ATG10: variants seen among roughly 807,000 people sequenced by gnomAD.
The protein encoded by ATG10 is autophagy related 10.
Under a neutral mutation model 32.1 loss-of-function variants are expected in ATG10, and 30 were observed. The ratio of observed to expected loss-of-function variants is 0.94; its 90% confidence interval spans 0.70 to 1.27. The LOEUF (loss-of-function observed/expected upper bound fraction) is 1.27, where lower values mean the gene tolerates loss of function less well. ATG10 is among the 50% of genes most tolerant of loss of function. The pLI is 0.00. For synonymous variants in ATG10, 87 were observed against 91.5 expected (o/e 0.95, Z 0.28); for missense variants, 233 against 262.3 (o/e 0.89, Z 0.77).
intron 1 of ATG10, among the ~76,000 whole-genome samples, chr5:81,979,733 TTTAAA>T (rs1330606934): frequency 2.0e-5 from 3 of 151,786 alleles, no homozygotes; most frequent in African/African-American, 4.8e-5. Flanking sequence ...CTTTCTAGTC[TTTAAA>T]TTAAGATATT....
intron 3 of ATG10, chr5:82,078,502 T>C (rs945451890): frequency 5.3e-5 from 8 of 151,888 alleles, no homozygotes; most frequent in Non-Finnish European, 7.3e-5. Flanking sequence ...AGTCTAGGAG[T>C]TCTGGAATGT....
chr5:82,062,251 T>C (rs1763808843), intron 3 of ATG10, among the ~76,000 whole-genome samples: 1 of 152,168 alleles, frequency 6.6e-6, no homozygotes, highest in Admixed American at 6.6e-5. Flanking sequence ...GTAGTTTGTG[T>C]TTCTGAGTTG....
At chr5:82,164,363 G>GA in intron 3 of ATG10, 36 bp from the exon 4 acceptor site, 1 of 1,604,740 alleles carries the variant, frequency 6.2e-7, no homozygotes, top group Non-Finnish European at 8.5e-7. Context: ...TTCTTATTAA[G>GA]AAACCCGTTT....
intron 3 of ATG10, among the ~76,000 whole-genome samples, chr5:82,093,587 T>C (rs1438763223): frequency 6.6e-6 from 1 of 152,144 alleles, no homozygotes; most frequent in Non-Finnish European, 1.5e-5. Flanking sequence ...TGCCCATTTG[T>C]TTATGTATTT....
At chr5:82,046,831 A>G (rs1161226326) in intron 2 of ATG10, among the ~76,000 whole-genome samples, 1 of 152,234 alleles carries the variant, frequency 6.6e-6, no homozygotes, top group Admixed American at 6.5e-5. Flanking sequence ...TTAATAAAAT[A>G]TAAAATTACT....
At chr5:82,070,365 T>C (rs1048801698) in intron 3 of ATG10, among the ~76,000 whole-genome samples, 1 of 152,174 alleles carries the variant, frequency 6.6e-6, no homozygotes, top group Non-Finnish European at 1.5e-5. Flanking sequence ...AAAATGACTA[T>C]TGGCTATTCT....
In ATG10 at chr5:81,980,940, G is replaced by C. The variant is rs368403276; in HGVS notation, c.-12-6619G>C. On this transcript the variant is annotated intron_variant, in intron 1 of 7. Coordinates refer to ENST00000282185, the MANE Select transcript of ATG10 (RefSeq NM_031482.5). ...CCCTGACCTAGTGATAGAGAGGTCAGAGCAAGCCTCAGCTACCAACAGAGA... is the reference window on the plus strand; with the variant it reads ...CCCTGACCTAGTGATAGAGAGGTCACAGCAAGCCTCAGCTACCAACAGAGA... Among the ~76,000 whole-genome samples the C allele has an allele frequency of 3.3e-5, 5 of 152,186 alleles. No homozygotes were observed. The East Asian group carries it at 7.7e-4, about 23-fold the overall frequency.
intron 3 of ATG10, among the ~76,000 whole-genome samples, chr5:82,109,367 A>G (rs952895441): frequency 6.6e-6 from 1 of 152,064 alleles, no homozygotes; most frequent in Non-Finnish European, 1.5e-5. Context: ...TTAGTTGGGC[A>G]CTAAAATACA....
At chr5:82,194,811 T>C (rs908608225) in intron 5 of ATG10, among the ~76,000 whole-genome samples, 1 of 152,190 alleles carries the variant, frequency 6.6e-6, no homozygotes, top group Non-Finnish European at 1.5e-5. Flanking sequence ...CTTTTGGCCC[T>C]GTAGGTATGC....
chr5:82,161,018 G>C (rs1743308212), intron 3 of ATG10, among the ~76,000 whole-genome samples: 1 of 152,156 alleles, frequency 6.6e-6, no homozygotes, highest in South Asian at 2.1e-4. Flanking sequence ...AAGAACCTTA[G>C]TCTTGAAGTT....
At chr5:82,214,047 T>A (rs531790682) in intron 5 of ATG10, among the ~76,000 whole-genome samples, 1 of 152,348 alleles carries the variant, frequency 6.6e-6, no homozygotes, top group Non-Finnish European at 1.5e-5. Flanking sequence ...CACCGTCATG[T>A]CCATGTACTA....
chr5:82,222,001 A>C (rs1336499531), intron 5 of ATG10, among the ~76,000 whole-genome samples: 1 of 152,250 alleles, frequency 6.6e-6, no homozygotes, highest in Non-Finnish European at 1.5e-5. Context: ...GAAGTAAGCC[A>C]AAATGTGATA....
In ATG10 at chr5:82,212,592, T is replaced by C. The variant is rs533927229; in HGVS notation, c.453+34005T>C. 2.6e-5 allele frequency among the ~76,000 whole-genome samples: 4 copies of C among 152,310 alleles called. No homozygotes were observed. The East Asian group carries it at 7.7e-4, about 29-fold the overall frequency. ...TGGAAGTGCCATTTTAAACCTACCA[T>C]ATTGGCAAAGATATAAAAGTTTGAA... On this transcript the variant is annotated intron_variant, in intron 5 of 7. Transcript: ENST00000282185.
At chr5:82,093,437 G>A (rs1294436790) in intron 3 of ATG10, among the ~76,000 whole-genome samples, 1 of 151,904 alleles carries the variant, frequency 6.6e-6, no homozygotes, top group East Asian at 1.9e-4. Context: ...GTTTCATTTG[G>A]CTCTTTTGAA....
In ATG10 at chr5:81,987,642, A is replaced by G. The variant is rs758163962; in HGVS notation, c.72A>G (p.Gln24=). 3.4e-5 allele frequency: 55 copies of G among 1,612,692 alleles called. No homozygotes were observed. Among genetic ancestry groups the G allele is most frequent in the Non-Finnish European group, 4.3e-5 (51 of 1,179,556 alleles). ...GTGCAGAATTCATTAAACATTCACAACAGATAGGTGATAGTTGGGAATGGA... is the reference window on the plus strand; with the variant it reads ...GTGCAGAATTCATTAAACATTCACAGCAGATAGGTGATAGTTGGGAATGGA... ...RYCAEFIKHS[Q]QIGDSWEWRP... Residue 24 remains glutamine, a synonymous_variant, in exon 2 of 8, where the codon CAA becomes CAG. Coordinates refer to ENST00000282185, the MANE Select transcript of ATG10 (RefSeq NM_031482.5).
At chr5:82,014,725 C>G (rs897368848) in intron 2 of ATG10, among the ~76,000 whole-genome samples, 2 of 152,202 alleles carry the variant, frequency 1.3e-5, no homozygotes, top group Admixed American at 1.3e-4. Context: ...ATGTGTGTCT[C>G]TGCACGTGAG....
At chr5:82,224,924 A>C (rs1225227851) in intron 5 of ATG10, among the ~76,000 whole-genome samples, 1 of 152,244 alleles carries the variant, frequency 6.6e-6, no homozygotes, top group Non-Finnish European at 1.5e-5. Context: ...TCTGCCTCCC[A>C]TGTATTAAAA....
At chr5:82,013,317 A>G (rs1762182906) in intron 2 of ATG10, among the ~76,000 whole-genome samples, 2 of 151,992 alleles carry the variant, frequency 1.3e-5, no homozygotes, top group African/African-American at 4.8e-5. Flanking sequence ...AGAACATACG[A>G]TGTTTGGTTT....
At chr5:82,176,581 C>T (rs981161680) in intron 4 of ATG10, among the ~76,000 whole-genome samples, 12 of 151,958 alleles carry the variant, frequency 7.9e-5, no homozygotes, top group South Asian at 4.1e-4. Context: ...CACACGCATG[C>T]GCACACAGAC....
Sources: gnomAD v4.1 joint callset for allele counts (sites outside exome capture counted in the v4.1 genomes callset) on GRCh38, gnomAD v4.1.1 for gene constraint, MANE v1.5 for transcripts, NCBI Gene and HGNC (gene_info 2026-07-23, HGNC 2026-07-21) for gene names.